Variants in ANKS1A observed in about 807,000 individuals in gnomAD.
ANKS1A encodes ankyrin repeat and sterile alpha motif domain containing 1A, also known as ankyrin repeat and SAM domain-containing protein 1A.
Under a neutral mutation model 120.3 loss-of-function variants are expected in ANKS1A, and 55 were observed. That is an observed-to-expected ratio of 0.46 (90% confidence interval 0.37 to 0.57). The LOEUF is 0.57. ANKS1A is among the 20% of genes least tolerant of loss of function. ANKS1A has a pLI of 0.00. For synonymous variants in ANKS1A, 590 were observed against 604.7 expected (o/e 0.98, Z 0.36); for missense variants, 1,123 against 1,480.3 (o/e 0.76, Z 3.96).
Position 34,889,515 on chromosome 6 carries a change from G to A in ANKS1A, c.113G>A (p.Gly38Asp). The A allele has an allele frequency of 7.9e-7, 1 of 1,273,156 alleles. No homozygotes were observed. Among genetic ancestry groups the A allele is most frequent in the Non-Finnish European group, 9.8e-7 (1 of 1,019,478 alleles). 78.9% of individuals were successfully genotyped at this position (1,273,156 alleles called of 1,614,324 possible). ...TCAGGCTTTGGGGGCGGCGGCGGCG[G>A]TGGCTCTGGGGGCGGCGGCGGCGGC... ...LSSGFGGGGG[G>D]GSGGGGGGSG... The change falls in exon 1 of 24, where the codon GGT becomes GAT. Residue 38 changes from glycine to aspartate, a missense_variant. Physicochemically the swap from Gly to Asp is moderately conservative, Grantham distance 94. This residue lies in a region of ANKS1A where 73 missense variants were observed against 82.2 expected (regional missense o/e 0.89). Coordinates refer to ENST00000360359, the MANE Select transcript of ANKS1A (RefSeq NM_015245.3). This position sits in a 1 kb window ranked among gnomAD's most constrained non-coding sequence, Gnocchi z 5.5.
chr6:34,976,030 C>G (rs897973162), intron 3 of ANKS1A, among the ~76,000 whole-genome samples: 2 of 148,478 alleles, frequency 1.3e-5, no homozygotes, highest in African/African-American at 4.9e-5. Context: ...CCCAGGTACT[C>G]GGGAGGCTGA....
intron 3 of ANKS1A, among the ~76,000 whole-genome samples, chr6:34,978,348 C>T (rs1474166095): frequency 6.6e-6 from 1 of 152,116 alleles, no homozygotes; most frequent in African/African-American, 2.4e-5. Context: ...TTTTCTCAGT[C>T]CAGATTAGTA....
rs1291294385 is a variant in ANKS1A at position 35,091,337 on chromosome 6, TTTG to T, written c.*2731_*2733del. 3.0e-6 allele frequency: 3 copies of T among 985,570 alleles called. No individual in the cohort carries two copies. Among genetic ancestry groups the T allele is most frequent in the South Asian group, 4.7e-5 (1 of 21,290 alleles). The allele number at this position is 985,570 out of a possible 1,614,324, so 61.1% of individuals were successfully genotyped here. A position where few individuals can be genotyped will look rare whatever the true frequency, so the allele number is the denominator to read the frequency against. ...ATATTTCTGGGCTTCCAGCTTTGGT[TTTG>T]TTATTTTCATAACTGTACACAACTT... On this transcript the variant is annotated 3_prime_UTR_variant, in exon 24 of 24. Coordinates refer to ENST00000360359, the MANE Select transcript of ANKS1A (RefSeq NM_015245.3).
intron 11 of ANKS1A, among the ~76,000 whole-genome samples, chr6:35,048,372 G>A (rs1461638579): frequency 1.3e-5 from 2 of 152,126 alleles, no homozygotes; most frequent in Admixed American, 1.3e-4. Context: ...GGAAAAGGGA[G>A]TTCCTCATTG....
intron 9 of ANKS1A, among the ~76,000 whole-genome samples, chr6:34,991,733 C>T (rs13209073): frequency 1.9e-5 from 1 of 51,682 alleles, no homozygotes; most frequent in African/African-American, 5.9e-5. Context: ...CATATATACA[C>T]ATATATATAC....
intron 9 of ANKS1A, among the ~76,000 whole-genome samples, chr6:34,991,636 A>G (rs192229531): frequency 4.9e-5 from 7 of 144,274 alleles, no homozygotes; most frequent in South Asian, 2.2e-4. Context: ...ACATATATAC[A>G]TATATACACA....
chr6:35,011,578 G>A (rs114839279), intron 10 of ANKS1A, among the ~76,000 whole-genome samples: 394 of 152,306 alleles, frequency 2.6e-3, no homozygotes, highest in African/African-American at 9.0e-3. Flanking sequence ...GGGCCCCAAG[G>A]TGAGTACAGA....
chr6:34,986,672 C>T lies in ANKS1A; in HGVS notation c.1209+1394C>T, dbSNP rs77079303. Among the ~76,000 whole-genome samples, 671 of 152,254 alleles carry T rather than the reference C, an allele frequency of 4.4e-3. 5 individuals carry two copies. Among genetic ancestry groups the T allele is most frequent in the African/African-American group, 0.015 (638 of 41,536 alleles). On this transcript the variant is annotated intron_variant, in intron 8 of 23. Transcript: ENST00000360359. ...CTTTTTCATTAGGCTCTTTGCTGTG[C>T]CCTGCTATGCCCTGAAACACCATTT...
At chr6:34,944,275 CA>C (rs145362168) in intron 1 of ANKS1A, among the ~76,000 whole-genome samples, 63 of 138,274 alleles carry the variant, frequency 4.6e-4, no homozygotes, top group South Asian at 4.5e-4. Context: ...GATGCCATCT[CA>C]AAAAAAAAAA....
At chr6:35,048,805 G>A (rs1315285606) in intron 11 of ANKS1A, among the ~76,000 whole-genome samples, 3 of 152,316 alleles carry the variant, frequency 2.0e-5, no homozygotes, top group South Asian at 2.1e-4. Flanking sequence ...GTCAGCAGTC[G>A]CCTGATGGGA....
intron 1 of ANKS1A, among the ~76,000 whole-genome samples, chr6:34,907,006 G>A (rs980521759): frequency 1.1e-4 from 17 of 152,232 alleles, no homozygotes; most frequent in African/African-American, 3.4e-4. Flanking sequence ...ATCCCCAGAT[G>A]TGATGTGATG....
chr6:34,963,105 G>T (rs1407352471), intron 1 of ANKS1A, among the ~76,000 whole-genome samples: 1 of 151,686 alleles, frequency 6.6e-6, no homozygotes, highest in South Asian at 2.1e-4. Context: ...CAGGTGATCC[G>T]CCTGCCTCAG....
intron 11 of ANKS1A, chr6:35,039,696 T>C (rs1775360771): frequency 2.2e-6 from 1 of 452,834 alleles, no homozygotes; most frequent in Non-Finnish European, 4.5e-6. Flanking sequence ...AGTGTGTGTT[T>C]CTGCCCAGGG....
downstream of ANKS1A, among the ~76,000 whole-genome samples, chr6:35,095,675 C>T (rs536325381): frequency 1.4e-5 from 2 of 139,444 alleles, no homozygotes; most frequent in South Asian, 4.4e-4. Context: ...GCTGGAGAGA[C>T]AGTTCTCATG....
intron 1 of ANKS1A, among the ~76,000 whole-genome samples, chr6:34,917,810 C>T (rs1768238397): frequency 6.6e-6 from 1 of 152,234 alleles, no homozygotes; most frequent in Non-Finnish European, 1.5e-5. Flanking sequence ...ATAGATGTTT[C>T]TGTTCTGGCC....
At position 35,086,973 on chromosome 6, in the gene ANKS1A, C is replaced by G; in HGVS notation, c.3325C>G (p.Gln1109Glu). Reference protein sequence around the residue: ...KSALEPPDMDQDAQSHASVSW... With the variant: ...KSALEPPDMDEDAQSHASVSW... ...GCAGCTGGAACCACCTGATATGGAC[C>G]AAGATGCCCAATCCCATGCCAGTGT... Residue 1109 changes from glutamine to glutamate, a missense_variant, in exon 23 of 24, where the codon CAA becomes GAA. Around this residue, in one of 3 missense-constraint regions of ANKS1A, gnomAD observed 904 missense variants for 1,130.4 expected, o/e 0.80. Transcript: ENST00000360359. This position sits in a 1 kb window ranked among gnomAD's most constrained non-coding sequence, Gnocchi z 5.1. 1 of 1,614,162 alleles carries G rather than the reference C, an allele frequency of 6.2e-7. No individual in the cohort carries two copies. The highest frequency in any genetic ancestry group is 8.5e-7 in the Non-Finnish European group (1 of 1,179,996).
At chr6:34,936,038 G>T (rs1227652922) in intron 1 of ANKS1A, among the ~76,000 whole-genome samples, 1 of 144,702 alleles carries the variant, frequency 6.9e-6, no homozygotes, top group Non-Finnish European at 1.5e-5. Context: ...CTCCAGCCTG[G>T]GCGACAGAGC....
intron 1 of ANKS1A, among the ~76,000 whole-genome samples, chr6:34,955,359 A>G (rs962477924): frequency 6.6e-6 from 1 of 151,084 alleles, no homozygotes; most frequent in Non-Finnish European, 1.5e-5. Flanking sequence ...CTGGTCTCGA[A>G]CTCCTGACCT....
At position 34,923,138 on chromosome 6, in the gene ANKS1A, A is replaced by G. The variant is rs1768526155; in HGVS notation, c.197+33539A>G. 5.3e-5 allele frequency among the ~76,000 whole-genome samples: 8 copies of G among 152,218 alleles called. No homozygotes were observed. In the South Asian group the frequency reaches 1.7e-3, roughly 32 times the overall value. The stretch of plus-strand genomic sequence containing the variant: ...CCCAACCGTACTGAGGGCTTCAGAG[A>G]TCAAGGAGAACCAAAACAGAATTCA... On this transcript the variant is annotated intron_variant, in intron 1 of 23. Transcript: ENST00000360359.
Sources: allele counts gnomAD v4.1 joint callset (sites outside exome capture counted in the v4.1 genomes callset), GRCh38; gene constraint gnomAD v4.1.1; regional missense constraint gnomAD v4.1.1; non-coding constraint Gnocchi (gnomAD v3.1); transcripts MANE v1.5; gene names NCBI Gene and HGNC (gene_info 2026-07-23, HGNC 2026-07-21).